The following STK39 variants were observed in gnomAD, a reference collection of about 807,000 sequenced individuals.
STK39 encodes serine/threonine kinase 39, also known as STE20/SPS1-related proline-alanine-rich protein kinase.
Under a neutral mutation model 77.8 loss-of-function variants are expected in STK39, and 20 were observed. The ratio of observed to expected loss-of-function variants is 0.26; its 90% CI spans 0.18 to 0.37. The LOEUF (loss-of-function observed/expected upper bound fraction) is 0.37. Among genes scored for constraint, STK39 ranks in the 10% least tolerant of loss-of-function variants. The pLI, the probability that STK39 is intolerant of heterozygous loss-of-function variation, is 1.00. For missense variants in STK39, 479 were observed against 656.5 expected (o/e 0.73, Z 2.95); for synonymous variants, 246 against 234.1 (o/e 1.05, Z -0.47).
intron 14 of STK39, among the ~76,000 whole-genome samples, chr2:168,038,514 T>C (rs1685016600): frequency 6.7e-6 from 1 of 148,938 alleles, no homozygotes; most frequent in Non-Finnish European, 1.5e-5. Context: ...AACCTAGAGA[T>C]AGGTAAAGAT....
At chr2:168,203,447 A>G (rs1286662958) in intron 1 of STK39, among the ~76,000 whole-genome samples, 2 of 151,428 alleles carry the variant, frequency 1.3e-5, no homozygotes, top group East Asian at 3.9e-4. Context: ...AAAAGAAAAG[A>G]TGAAGACAAA....
intron 1 of STK39, among the ~76,000 whole-genome samples, chr2:168,243,546 C>T (rs1403281253): frequency 1.3e-5 from 2 of 152,142 alleles, no homozygotes; most frequent in East Asian, 1.9e-4. Flanking sequence ...TATAAAACTA[C>T]ATAAAGAAAG....
At chr2:167,957,402 T>C (rs1380580070) in intron 17 of STK39, among the ~76,000 whole-genome samples, 4 of 152,212 alleles carry the variant, frequency 2.6e-5, no homozygotes, top group Non-Finnish European at 4.4e-5. Context: ...AGTACAGGCA[T>C]AGAGGGCATT....
intron 10 of STK39, among the ~76,000 whole-genome samples, chr2:168,108,979 T>C (rs550151785): frequency 6.6e-6 from 1 of 152,318 alleles, no homozygotes; most frequent in South Asian, 2.1e-4. Context: ...ACTCAATGTG[T>C]AGGTACTGTT....
chr2:168,195,010 A>AT (rs2105660008), intron 1 of STK39, among the ~76,000 whole-genome samples: 1 of 152,274 alleles, frequency 6.6e-6, no homozygotes, highest in African/African-American at 2.4e-5. Flanking sequence ...ACAGTCACAC[A>AT]TTTACATTTT....
intron 1 of STK39, among the ~76,000 whole-genome samples, chr2:168,220,607 G>A (rs1168286300): frequency 2.0e-5 from 3 of 152,094 alleles, no homozygotes; most frequent in East Asian, 1.9e-4. Context: ...TATAGTCAAC[G>A]CCAAAAGAGA....
chr2:168,233,569 T>G (rs1690516018), intron 1 of STK39, among the ~76,000 whole-genome samples: 1 of 152,244 alleles, frequency 6.6e-6, no homozygotes, highest in Admixed American at 6.5e-5. Context: ...TTGTGATCTG[T>G]AACTTAGGAT....
At position 168,063,587 on chromosome 2, in the gene STK39, G is replaced by A. The variant is rs202148544; in HGVS notation, c.1306-17C>T. ...GGGTGGGCCCTTTAAAAAGAAAACA[G>A]CAAACAGTGTTATAAACTGTATCAG... is the stretch of plus-strand genomic sequence containing the variant. On this transcript the variant is annotated splice_polypyrimidine_tract_variant and intron_variant, in intron 13 of 17. Coordinates refer to ENST00000355999, the MANE Select transcript of STK39 (RefSeq NM_013233.3). 1.0e-5 allele frequency: 16 copies of A among 1,603,192 alleles called. No homozygotes were observed.
At chr2:168,043,604 A>G (rs1309082165) in intron 14 of STK39, among the ~76,000 whole-genome samples, 5 of 152,390 alleles carry the variant, frequency 3.3e-5, no homozygotes, top group African/African-American at 1.2e-4. Flanking sequence ...ATAATAGGTT[A>G]CAACTAACTC....
At chr2:167,955,920 C>T (rs1276307480) in intron 17 of STK39, among the ~76,000 whole-genome samples, 1 of 152,180 alleles carries the variant, frequency 6.6e-6, no homozygotes, top group Non-Finnish European at 1.5e-5. Flanking sequence ...TTTAAATATA[C>T]TTTCTAACTA....
chr2:168,153,854 G>A (rs762666682), intron 5 of STK39, among the ~76,000 whole-genome samples: 4 of 152,182 alleles, frequency 2.6e-5, no homozygotes, highest in Non-Finnish European at 4.4e-5. Flanking sequence ...ATCTTGTAAG[G>A]CCTCACGAGC....
In STK39 at chr2:167,954,552, T is replaced by C. The variant is rs1325457265; in HGVS notation, c.*944A>G. On this transcript the variant is annotated 3_prime_UTR_variant, in exon 18 of 18. Coordinates refer to ENST00000355999, the MANE Select transcript of STK39 (RefSeq NM_013233.3). ...AGGAGAGCCAAATCAGAGATGGGTA[T>C]ATAGTTAGCAATCTAACAGAATGGC... 1.3e-5 allele frequency: 2 copies of C among 152,654 alleles called. No individual in the cohort carries two copies. Among genetic ancestry groups the C allele is most frequent in the African/African-American group, 4.8e-5 (2 of 41,462 alleles). The allele number at this position is 152,654 out of a possible 1,614,324, so 9.5% of individuals were successfully genotyped here. A position where few individuals can be genotyped will look rare whatever the true frequency, so the allele number is the denominator to read the frequency against.
chr2:167,979,219 T>C (rs1386387042), intron 16 of STK39, among the ~76,000 whole-genome samples: 4 of 152,184 alleles, frequency 2.6e-5, no homozygotes, highest in African/African-American at 4.8e-5. Flanking sequence ...GATCACATGA[T>C]AGAAGTATTT....
intron 16 of STK39, among the ~76,000 whole-genome samples, chr2:167,990,979 C>T (rs1284504102): frequency 6.6e-6 from 1 of 152,180 alleles, no homozygotes; most frequent in Non-Finnish European, 1.5e-5. Context: ...ACACTAGGAA[C>T]CTGGACTTCA....
chr2:168,177,162 T>C (rs1174959786), intron 2 of STK39, among the ~76,000 whole-genome samples: 1 of 152,200 alleles, frequency 6.6e-6, no homozygotes, highest in Non-Finnish European at 1.5e-5. Flanking sequence ...GAAATGACTT[T>C]GTTCACATAT....
At chr2:168,071,306 A>C (rs1020546772) in intron 12 of STK39, among the ~76,000 whole-genome samples, 6 of 152,150 alleles carry the variant, frequency 3.9e-5, no homozygotes, top group African/African-American at 1.4e-4. Context: ...ATCAGTGAAC[A>C]TGTATAGTGT....
At chr2:168,222,939 TAAC>T (rs1402003334) in intron 1 of STK39, among the ~76,000 whole-genome samples, 51 of 152,314 alleles carry the variant, frequency 3.3e-4, no homozygotes, top group African/African-American at 1.2e-3. Flanking sequence ...TGACAAGTAA[TAAC>T]AACTCCTCAG....
chr2:168,064,886 G>T (rs1350523468), intron 13 of STK39, among the ~76,000 whole-genome samples: 1 of 152,184 alleles, frequency 6.6e-6, no homozygotes, highest in African/African-American at 2.4e-5. Flanking sequence ...ATAAATGCAT[G>T]TCACAGTTAC....
At chr2:168,163,342 G>T (rs1332636061) in intron 4 of STK39, among the ~76,000 whole-genome samples, 1 of 152,188 alleles carries the variant, frequency 6.6e-6, no homozygotes, top group Non-Finnish European at 1.5e-5. Context: ...ATGCTGTCTA[G>T]TTCAACTAGT....
Sources: gnomAD v4.1 joint callset for allele counts (sites outside exome capture counted in the v4.1 genomes callset) on GRCh38, gnomAD v4.1.1 for gene constraint, MANE v1.5 for transcripts, NCBI Gene and HGNC (gene_info 2026-07-23, HGNC 2026-07-21) for gene names.